Variants in MAP4K5 observed in about 807,000 individuals in gnomAD.
MAP4K5 encodes the protein mitogen-activated protein kinase kinase kinase kinase 5.
Under a neutral mutation model 135.6 loss-of-function variants are expected in MAP4K5, and 82 were observed. The observed-to-expected ratio is 0.60, with a 90% confidence interval of 0.51 to 0.73. MAP4K5 has a LOEUF of 0.73. MAP4K5 is among the 30% of genes least tolerant of loss of function. The pLI, the probability that MAP4K5 is intolerant of heterozygous loss-of-function variation, is 0.00. For synonymous variants in MAP4K5, 347 were observed against 335.0 expected (o/e 1.04, Z -0.39); for missense variants, 907 against 1,010.9 (o/e 0.90, Z 1.39).
chr14:50,515,116 A>C (rs1422151558), intron 2 of MAP4K5, among the ~76,000 whole-genome samples: 3 of 151,918 alleles, frequency 2.0e-5, no homozygotes, highest in South Asian at 2.1e-4. Context: ...GTTGGCCAGG[A>C]TGGTCTCGAT....
chr14:50,519,353 T>C (rs1006582543), intron 2 of MAP4K5, among the ~76,000 whole-genome samples: 1 of 152,106 alleles, frequency 6.6e-6, no homozygotes, highest in Non-Finnish European at 1.5e-5. Context: ...TCCTATATAG[T>C]TTTAAAAATG....
chr14:50,468,762 G>A lies in MAP4K5; in HGVS notation c.563C>T (p.Ala188Val). The A allele has an allele frequency of 6.2e-7, 1 of 1,610,932 alleles. No individual in the cohort carries two copies. The highest frequency in any genetic ancestry group is 8.5e-7 in the Non-Finnish European group (1 of 1,178,370). Residue 188 changes from alanine to valine, a missense_variant, in exon 10 of 33, where the codon GCA (alanine) becomes GTA (valine). Physicochemically the swap from Ala to Val is moderately conservative, Grantham distance 64 (BLOSUM62 0). Coordinates refer to ENST00000682126, the MANE Select transcript of MAP4K5 (RefSeq NM_006575.6). The part of the protein sequence containing the change: ...TPYWMAPEVA[A>V]VEKNGGYNQL... ...GTTGTAGCCACCATTCTTCTCTACT[G>A]CTGCAACTTCTGGGGCCATCCTAGA...
chr14:50,527,888 T>C (rs2038302053), intron 2 of MAP4K5, among the ~76,000 whole-genome samples: 1 of 151,952 alleles, frequency 6.6e-6, no homozygotes, highest in Admixed American at 6.6e-5. Flanking sequence ...AGAACTTCTC[T>C]GAAATCTAGG....
rs1037076921 is a variant in MAP4K5, at chr14:50,424,187, G to A, written c.2398-1011C>T. 1.5e-4 allele frequency among the ~76,000 whole-genome samples: 22 copies of A among 151,560 alleles called. 1 individual carries two copies. The highest frequency in any genetic ancestry group is 3.1e-4 in the Non-Finnish European group (21 of 67,924). On this transcript the variant is annotated intron_variant, in intron 31 of 32. Coordinates refer to ENST00000682126, the MANE Select transcript of MAP4K5 (RefSeq NM_006575.6). ...GTAAGTTAAAAAAAAAAAAAAGTCTGGTATCAAGGAGTTTGCAGTCTACCT... is the reference window on the plus strand; with the variant it reads ...GTAAGTTAAAAAAAAAAAAAAGTCTAGTATCAAGGAGTTTGCAGTCTACCT...
rs75938452 is a variant in MAP4K5, at chr14:50,437,949, G to T, written c.1768C>A (p.Pro590Thr). 1.4e-5 allele frequency: 22 copies of T among 1,612,502 alleles called. No individual in the cohort carries two copies. Among genetic ancestry groups the T allele is most frequent in the Non-Finnish European group, 1.8e-5 (21 of 1,179,022 alleles). Residue 590 changes from proline to threonine, a missense_variant, in exon 25 of 33, where the codon CCA (proline) becomes ACA (threonine). By Grantham distance (38) the Pro-to-Thr change is conservative. This residue lies in a region of MAP4K5 where 690 missense variants were observed against 777.4 expected (regional missense o/e 0.89). Coordinates refer to ENST00000682126, the MANE Select transcript of MAP4K5 (RefSeq NM_006575.6). ...LIALFEHAKKPGLAAHIQTHR... is the reference protein window; with the variant it reads ...LIALFEHAKKTGLAAHIQTHR... ...GTTTGAATATGGGCAGCTAATCCTG[G>T]TTTTTTGGCATGTTCAAACAAAGCT... is the stretch of plus-strand genomic sequence containing the variant.
intron 5 of MAP4K5, chr14:50,483,267 A>G (rs1343850987): frequency 6.6e-6 from 1 of 152,168 alleles, no homozygotes; most frequent in Non-Finnish European, 1.5e-5. Context: ...CACTTTTGGC[A>G]ACCAGATCTC....
intron 13 of MAP4K5, among the ~76,000 whole-genome samples, chr14:50,460,949 ATGAGT>A (rs2036698123): frequency 6.6e-6 from 1 of 152,132 alleles, no homozygotes; most frequent in Non-Finnish European, 1.5e-5. Context: ...TTGATATTAG[ATGAGT>A]TAACATAGAA....
intron 2 of MAP4K5, among the ~76,000 whole-genome samples, chr14:50,525,517 C>A (rs1167312215): frequency 6.6e-6 from 1 of 152,106 alleles, no homozygotes; most frequent in Non-Finnish European, 1.5e-5. Flanking sequence ...TTACACTACA[C>A]TGTAAGATAT....
chr14:50,461,884 A>G (rs969825071), intron 13 of MAP4K5, among the ~76,000 whole-genome samples: 11 of 151,614 alleles, frequency 7.3e-5, no homozygotes, highest in African/African-American at 2.7e-4. Context: ...GTGTTACTGC[A>G]CTCCAACCTG....
intron 28 of MAP4K5, among the ~76,000 whole-genome samples, chr14:50,430,968 C>T (rs1456525455): frequency 6.6e-6 from 1 of 152,180 alleles, no homozygotes; most frequent in Non-Finnish European, 1.5e-5. Flanking sequence ...AGAATTCCTA[C>T]TTAGAAGCCT....
At chr14:50,540,283 G>C (rs984419640) in intron 2 of MAP4K5, among the ~76,000 whole-genome samples, 1 of 152,158 alleles carries the variant, frequency 6.6e-6, no homozygotes, top group African/African-American at 2.4e-5. Flanking sequence ...AACCATCAGC[G>C]TACTTAAGTG....
intron 3 of MAP4K5, among the ~76,000 whole-genome samples, chr14:50,491,903 T>C (rs1367050890): frequency 6.6e-6 from 1 of 152,080 alleles, no homozygotes; most frequent in East Asian, 1.9e-4. Flanking sequence ...CCCAGGCTGG[T>C]CTCGAACTTC....
At position 50,445,042 on chromosome 14, in the gene MAP4K5, A is replaced by G; in HGVS notation, c.1338T>C (p.Ile446=). 1 of 1,613,104 alleles carries G rather than the reference A, an allele frequency of 6.2e-7. No homozygotes were observed. Among genetic ancestry groups the G allele is most frequent in the Non-Finnish European group, 8.5e-7 (1 of 1,179,430 alleles). ...GGCTGCTAATAATGCTAGCCATACC[A>G]ATAGAAGAAGTCTCTGCCACAGGCC... The part of the protein sequence containing the change: ...SCGPVAETSS[I]GNGDGISKLM... The change falls in exon 18 of 33, where the codon ATT becomes ATC. Residue 446 remains isoleucine (I), a splice_region_variant and synonymous_variant. Coordinates refer to ENST00000682126, the MANE Select transcript of MAP4K5 (RefSeq NM_006575.6).
intron 2 of MAP4K5, among the ~76,000 whole-genome samples, chr14:50,529,312 G>C (rs879590082): frequency 6.6e-6 from 1 of 152,094 alleles, no homozygotes; most frequent in African/African-American, 2.4e-5. Flanking sequence ...ACTTCAGCCC[G>C]GGAGGTTGAG....
At chr14:50,496,783 T>C (rs1048760013) in intron 3 of MAP4K5, among the ~76,000 whole-genome samples, 2 of 151,524 alleles carry the variant, frequency 1.3e-5, no homozygotes, top group Non-Finnish European at 2.9e-5. Flanking sequence ...GTGCTGAGAC[T>C]ACAACAGGTG....
chr14:50,506,208 G>A (rs2037806383), intron 2 of MAP4K5, among the ~76,000 whole-genome samples: 1 of 152,066 alleles, frequency 6.6e-6, no homozygotes, highest in African/African-American at 2.4e-5. Flanking sequence ...AAAAGGGAAA[G>A]GAATAGAAGA....
At chr14:50,501,596 G>T (rs1195695472) in intron 3 of MAP4K5, among the ~76,000 whole-genome samples, 1 of 151,980 alleles carries the variant, frequency 6.6e-6, no homozygotes. Context: ...CAACAACCTA[G>T]AAAGGATAAT....
At chr14:50,459,573 C>G (rs1464462375) in intron 13 of MAP4K5, among the ~76,000 whole-genome samples, 1 of 152,150 alleles carries the variant, frequency 6.6e-6, no homozygotes. Flanking sequence ...TTTCTACTAC[C>G]CTTAGACTAA....
At chr14:50,530,383 C>G (rs2038360874) in intron 2 of MAP4K5, among the ~76,000 whole-genome samples, 1 of 152,058 alleles carries the variant, frequency 6.6e-6, no homozygotes, top group Non-Finnish European at 1.5e-5. Context: ...GTCTTAAGAT[C>G]TTTATGGGAA....
Sources: allele counts gnomAD v4.1 joint callset (sites outside exome capture counted in the v4.1 genomes callset), GRCh38; gene constraint gnomAD v4.1.1; regional missense constraint gnomAD v4.1.1; transcripts MANE v1.5; gene names NCBI Gene and HGNC (gene_info 2026-07-23, HGNC 2026-07-21).